Variants in KAZN observed in about 807,000 individuals in gnomAD.
KAZN encodes the protein kazrin.
In KAZN, 40 loss-of-function variants were observed where a neutral mutation model predicts 87.4. The observed-to-expected ratio is 0.46, with a 90% CI of 0.36 to 0.60. The LOEUF (loss-of-function observed/expected upper bound fraction) is 0.60. Ranked by LOEUF, KAZN falls within the 20% of genes least tolerant of loss-of-function variation. The pLI, the probability that KAZN is intolerant of heterozygous loss-of-function variation, is 0.00. For synonymous variants in KAZN, 466 were observed against 458.3 expected (o/e 1.02, Z -0.22); for missense variants, 898 against 1,073.9 (o/e 0.84, Z 2.29).
chr1:14,276,670 A>G lies in KAZN; in HGVS notation c.249+96078A>G, dbSNP rs146625909. ...TGTCTCTGTGTTTAAATCTCTTTCT[A>G]TAAAAACACCAGTCATCCAGTAGGA... On this transcript the variant is annotated intron_variant, in intron 2 of 16. Coordinates refer to the KAZN transcript ENST00000636203. Among the ~76,000 whole-genome samples, 800 of 152,260 alleles carry G rather than the reference A, an allele frequency of 5.3e-3. 4 individuals carry two copies. The highest frequency in any genetic ancestry group is 9.6e-3 in the Non-Finnish European group (653 of 68,020).
At chr1:14,158,462 A>G (rs555891285) in intron 1 of KAZN, among the ~76,000 whole-genome samples, 74 of 152,138 alleles carry the variant, frequency 4.9e-4, no homozygotes, top group African/African-American at 1.7e-3. Context: ...TTTTTTAAGA[A>G]TTATTTCAAT....
At chr1:14,450,480 C>G (rs1473695327) in intron 2 of KAZN, among the ~76,000 whole-genome samples, 1 of 152,172 alleles carries the variant, frequency 6.6e-6, no homozygotes, top group African/African-American at 2.4e-5. Flanking sequence ...ATCCCAGCTA[C>G]TCAGGAGGCT....
intron 1 of KAZN, among the ~76,000 whole-genome samples, chr1:14,831,473 T>C (rs12032444): frequency 1.3e-5 from 2 of 152,200 alleles, no homozygotes; most frequent in East Asian, 3.9e-4. Flanking sequence ...TAAAGAAAAA[T>C]GTCGAAGTTT....
At chr1:14,130,335 G>A (rs114307971) in intron 1 of KAZN, among the ~76,000 whole-genome samples, 2,803 of 152,226 alleles carry the variant, frequency 0.018, 51 homozygotes, top group Non-Finnish European at 0.025. Context: ...ACCATGCCAG[G>A]CAGCTCCTTC....
intron 2 of KAZN, among the ~76,000 whole-genome samples, chr1:14,277,376 A>C (rs1486081307): frequency 1.3e-5 from 2 of 152,206 alleles, no homozygotes; most frequent in African/African-American, 4.8e-5. Flanking sequence ...GTTAGAAACA[A>C]CAGTAACGGC....
At chr1:14,464,256 A>T (rs2039818) in intron 2 of KAZN, among the ~76,000 whole-genome samples, 10,769 of 152,246 alleles carry the variant, frequency 0.071, 875 homozygotes, top group African/African-American at 0.2. Context: ...TGCAGATGTG[A>T]GTTACTTGGC....
chr1:14,719,586 C>T (rs1261225048), intron 1 of KAZN, among the ~76,000 whole-genome samples: 1 of 152,212 alleles, frequency 6.6e-6, no homozygotes, highest in East Asian at 1.9e-4. Context: ...CACTTGTAAT[C>T]CGAGCACTTT....
intron 1 of KAZN, among the ~76,000 whole-genome samples, chr1:14,833,687 C>G (rs1254337033): frequency 6.6e-6 from 1 of 152,072 alleles, no homozygotes; most frequent in Non-Finnish European, 1.5e-5. Flanking sequence ...TGTTGATGTA[C>G]AGGTGCCCGG....
chr1:14,783,779 A>G (rs919145088), intron 1 of KAZN, among the ~76,000 whole-genome samples: 2 of 152,170 alleles, frequency 1.3e-5, no homozygotes, highest in Non-Finnish European at 2.9e-5. Context: ...GGCTCCTGGA[A>G]GACAGAAGGG....
chr1:14,049,271 A>T (rs1642206991), intron 1 of KAZN, among the ~76,000 whole-genome samples: 1 of 151,612 alleles, frequency 6.6e-6, no homozygotes, highest in Admixed American at 6.6e-5. Flanking sequence ...AACAATGAGA[A>T]CACATGGACA....
At position 14,361,216 on chromosome 1, in the gene KAZN, C is replaced by A. The variant is rs141797380; in HGVS notation, c.249+180624C>A. Among the ~76,000 whole-genome samples the A allele has an allele frequency of 7.6e-3, 1,153 of 152,336 alleles. 5 individuals are homozygous for A. The highest frequency in any genetic ancestry group is 0.013 in the Non-Finnish European group (855 of 68,028). ...ACTCTGCCCAGTCTGAACTTCCTGG[C>A]AGCTTTGTTTACACTGTGAGGGGAA... On this transcript the variant is annotated intron_variant, in intron 2 of 16. Coordinates refer to the KAZN transcript ENST00000636203.
chr1:15,010,685 C>T (rs778246024), intron 2 of KAZN, among the ~76,000 whole-genome samples: 10 of 152,150 alleles, frequency 6.6e-5, no homozygotes, highest in South Asian at 4.1e-4. Context: ...CCACCACTCC[C>T]GGCCCGTCTT....
intron 1 of KAZN, among the ~76,000 whole-genome samples, chr1:14,894,720 A>G (rs949499839): frequency 2.0e-5 from 3 of 152,268 alleles, no homozygotes; most frequent in Non-Finnish European, 4.4e-5. Flanking sequence ...AATTGGGTAC[A>G]CAGTAGGTGC....
At chr1:14,742,898 C>T (rs184552871) in intron 1 of KAZN, among the ~76,000 whole-genome samples, 86 of 152,286 alleles carry the variant, frequency 5.6e-4, no homozygotes, top group African/African-American at 1.9e-3. Flanking sequence ...GGCTCAGAGA[C>T]GGAGACTTCC....
At chr1:15,068,525 G>A (rs566975770) in intron 8 of KAZN, among the ~76,000 whole-genome samples, 35 of 152,066 alleles carry the variant, frequency 2.3e-4, no homozygotes, top group Non-Finnish European at 2.1e-4. Flanking sequence ...TTTGGGGCGT[G>A]TTACTTCCCG....
chr1:14,515,386 T>A (rs1443764530), intron 2 of KAZN, among the ~76,000 whole-genome samples: 1 of 152,188 alleles, frequency 6.6e-6, no homozygotes, highest in African/African-American at 2.4e-5. Context: ...TGCGAGGCAG[T>A]GTGAATGCAG....
intron 1 of KAZN, among the ~76,000 whole-genome samples, chr1:14,114,933 A>G (rs758805025): frequency 6.6e-5 from 10 of 152,206 alleles, no homozygotes; most frequent in Non-Finnish European, 1.5e-4. Flanking sequence ...TCACTTGCTT[A>G]GTGTTTGGAG....
chr1:14,330,903 AATAC>A (rs1656810969), intron 2 of KAZN, among the ~76,000 whole-genome samples: 2 of 152,234 alleles, frequency 1.3e-5, no homozygotes, highest in South Asian at 2.1e-4. Flanking sequence ...ATGGAAGAGT[AATAC>A]TTTATTTAGG....
intron 1 of KAZN, among the ~76,000 whole-genome samples, chr1:13,970,619 G>C (rs1422777377): frequency 2.0e-5 from 3 of 152,222 alleles, no homozygotes; most frequent in African/African-American, 7.2e-5. Context: ...CAGGGGGATA[G>C]AGGATTTGAT....
Sources: gnomAD v4.1 joint callset for allele counts (sites outside exome capture counted in the v4.1 genomes callset) on GRCh38, gnomAD v4.1.1 for gene constraint, MANE v1.5 for transcripts, NCBI Gene and HGNC (gene_info 2026-07-23, HGNC 2026-07-21) for gene names.